PHLDB2: variants seen among roughly 807,000 people sequenced by gnomAD.
The protein encoded by PHLDB2 is pleckstrin homology-like domain family B member 2.
PHLDB2 carries 71 observed loss-of-function variants against 123.6 expected under a neutral mutation model. That is an observed-to-expected ratio of 0.57 (90% CI 0.47 to 0.70). The LOEUF is 0.70. Among genes scored for constraint, PHLDB2 ranks in the 30% least tolerant of loss-of-function variants. PHLDB2 has a pLI of 0.00. For synonymous variants in PHLDB2, 547 were observed against 541.6 expected (o/e 1.01, Z -0.14); for missense variants, 1,446 against 1,519.5 (o/e 0.95, Z 0.80).
At chr3:111,827,869 C>T (rs1182356199) in intron 1 of PHLDB2, among the ~76,000 whole-genome samples, 1 of 152,014 alleles carries the variant, frequency 6.6e-6, no homozygotes, top group Non-Finnish European at 1.5e-5. Flanking sequence ...TCTAAGGGCT[C>T]AGTACATATT....
At chr3:111,905,523 AT>A in intron 2 of PHLDB2, among the ~76,000 whole-genome samples, 1 of 151,916 alleles carries the variant, frequency 6.6e-6, no homozygotes, top group South Asian at 2.1e-4. Flanking sequence ...CACCCAGCTA[AT>A]TTTTGTATTT....
Position 111,874,811 on chromosome 3 carries a change from G to A in PHLDB2, c.-14-9253G>A, listed in dbSNP as rs1055485748. Among the ~76,000 whole-genome samples the A allele has an allele frequency of 2.6e-5, 4 of 152,186 alleles. No individual in the cohort carries two copies. The East Asian group carries it at 7.7e-4, about 29-fold the overall frequency. ...TAAATGTCTGATAAACAGTAGGCAT[G>A]GATTTAATGAGTGAAGTGCCTAAAA... On this transcript the variant is annotated intron_variant, in intron 1 of 17. Transcript: ENST00000431670.
intron 14 of PHLDB2, 25 bp downstream of exon 14, chr3:111,966,728 A>G (rs2071793339): frequency 6.3e-7 from 1 of 1,596,130 alleles, no homozygotes; most frequent in Non-Finnish European, 8.6e-7. Context: ...TTCATGCCGG[A>G]GGTCTGTGAT....
At chr3:111,903,470 G>A (rs1395664997) in intron 2 of PHLDB2, among the ~76,000 whole-genome samples, 1 of 152,190 alleles carries the variant, frequency 6.6e-6, no homozygotes, top group Non-Finnish European at 1.5e-5. Context: ...CAGGGAGTTG[G>A]TGGCCTTGAG....
At chr3:111,940,163 A>G (rs562978351) in intron 7 of PHLDB2, among the ~76,000 whole-genome samples, 1 of 151,170 alleles carries the variant, frequency 6.6e-6, no homozygotes, top group South Asian at 2.1e-4. Flanking sequence ...GAAAGGAAAG[A>G]CAAGAGAAGG....
At chr3:111,857,133 T>C (rs1417269641), upstream of PHLDB2, among the ~76,000 whole-genome samples, 1 of 152,048 alleles carries the variant, frequency 6.6e-6, no homozygotes, top group African/African-American at 2.4e-5. Context: ...GAGGCCACTG[T>C]GGCAGGGGCT....
intron 1 of PHLDB2, among the ~76,000 whole-genome samples, chr3:111,880,278 C>A (rs1280605229): frequency 2.0e-5 from 3 of 152,198 alleles, no homozygotes; most frequent in African/African-American, 7.2e-5. Context: ...GTCGTTAGGA[C>A]CCCCTGATCT....
chr3:111,803,373 AG>A (rs1392044348), intron 1 of PHLDB2, among the ~76,000 whole-genome samples: 1 of 152,166 alleles, frequency 6.6e-6, no homozygotes, highest in East Asian at 1.9e-4. Flanking sequence ...TTCTAGCCAA[AG>A]CTCTTGGATT....
chr3:111,873,884 A>T (rs2065465222), intron 1 of PHLDB2, among the ~76,000 whole-genome samples: 1 of 152,190 alleles, frequency 6.6e-6, no homozygotes, highest in Non-Finnish European at 1.5e-5. Context: ...GGCATATCTT[A>T]CATGGTGGTG....
chr3:111,826,190 T>G, intron 1 of PHLDB2, among the ~76,000 whole-genome samples: 1 of 152,054 alleles, frequency 6.6e-6, no homozygotes, highest in Admixed American at 6.6e-5. Context: ...GTGTTTGTAT[T>G]CTCAGCTACT....
At chr3:111,912,882 G>A (rs1215202581) in intron 2 of PHLDB2, among the ~76,000 whole-genome samples, 1 of 152,220 alleles carries the variant, frequency 6.6e-6, no homozygotes, top group Non-Finnish European at 1.5e-5. Context: ...GGGAGGCTGA[G>A]GCAGGAGGAT....
chr3:111,747,245 C>G (rs1187031929), intron 1 of PHLDB2, among the ~76,000 whole-genome samples: 3 of 152,082 alleles, frequency 2.0e-5, no homozygotes, highest in African/African-American at 7.2e-5. Context: ...AAAAGTATTA[C>G]ATATATTTAG....
chr3:111,857,466 A>AAAAGG (rs1356876136), upstream of PHLDB2, among the ~76,000 whole-genome samples: 13 of 85,276 alleles, frequency 1.5e-4, no homozygotes, highest in Admixed American at 3.8e-4. Context: ...AAAAAAAAAG[A>AAAAGG]AAAGAAAAGA....
chr3:111,756,937 G>T (rs2059900842), intron 1 of PHLDB2, among the ~76,000 whole-genome samples: 1 of 152,024 alleles, frequency 6.6e-6, no homozygotes, highest in Non-Finnish European at 1.5e-5. Flanking sequence ...TGAAATTCTG[G>T]GTTGAAAATT....
intron 1 of PHLDB2, among the ~76,000 whole-genome samples, chr3:111,772,831 C>G (rs1003036016): frequency 5.9e-5 from 9 of 152,120 alleles, no homozygotes; most frequent in African/African-American, 1.9e-4. Context: ...GAGCCCATCC[C>G]TGCACACTTT....
chr3:111,788,680 C>A, intron 1 of PHLDB2, among the ~76,000 whole-genome samples: 1 of 152,196 alleles, frequency 6.6e-6, no homozygotes, highest in Non-Finnish European at 1.5e-5. Flanking sequence ...CCTCATGAGG[C>A]CCAGGACAGC....
intron 1 of PHLDB2, among the ~76,000 whole-genome samples, chr3:111,806,729 G>A (rs142591445): frequency 0.042 from 6,376 of 151,796 alleles, 420 homozygotes; most frequent in East Asian, 0.27. Flanking sequence ...CAGGTGATCC[G>A]CCTGCCTCGG....
exon 1 of PHLDB2, chr3:111,732,673 G>A: frequency 6.5e-7 from 1 of 1,535,810 alleles, no homozygotes; most frequent in Non-Finnish European, 8.7e-7. Context: ...GAAGCTGAGG[G>A]AAGAGTCGGG....
chr3:111,735,524 G>T (rs1198492080), intron 1 of PHLDB2, among the ~76,000 whole-genome samples: 1 of 152,170 alleles, frequency 6.6e-6, no homozygotes, highest in Non-Finnish European at 1.5e-5. Flanking sequence ...AAATGTCTTT[G>T]AACAAAGGGT....
Sources: allele counts gnomAD v4.1 joint callset (sites outside exome capture counted in the v4.1 genomes callset), GRCh38; gene constraint gnomAD v4.1.1; transcripts MANE v1.5; gene names NCBI Gene and HGNC (gene_info 2026-07-23, HGNC 2026-07-21).